The following ETV4 variants were observed in gnomAD, a reference collection of about 807,000 sequenced individuals.
The protein encoded by ETV4 is ETS translocation variant 4.
Under a neutral mutation model 65.9 loss-of-function variants are expected in ETV4, and 42 were observed. The ratio of observed to expected loss-of-function variants is 0.64; its 90% CI spans 0.50 to 0.82. The LOEUF (loss-of-function observed/expected upper bound fraction) is 0.82, where lower values mean the gene tolerates loss of function less well. Among genes scored for constraint, ETV4 ranks in the 40% least tolerant of loss-of-function variants. The pLI, the probability that ETV4 is intolerant of heterozygous loss-of-function variation, is 0.00. For synonymous variants in ETV4, 238 were observed against 260.0 expected, an observed-to-expected ratio of 0.92 and a Z score of 0.81; for missense variants, 583 against 630.3, an observed-to-expected ratio of 0.92 and a Z score of 0.80.
chr17:43,531,316 C>G (rs966608790), intron 8 of ETV4, among the ~76,000 whole-genome samples: 1 of 152,164 alleles, frequency 6.6e-6, no homozygotes, highest in African/African-American at 2.4e-5. Flanking sequence ...TGGGACTGGC[C>G]CTCCTTCGGC....
chr17:43,545,929 A>C, intron 1 of ETV4: 6 of 437,162 alleles, frequency 1.4e-5, no homozygotes, highest in East Asian at 4.1e-5. Flanking sequence ...TCGGTTACAT[A>C]AGAACGTGTG....
rs750731483 is a variant in ETV4, at chr17:43,529,652, C to T, written c.980G>A (p.Gly327Asp). The T allele has an allele frequency of 6.2e-7, 1 of 1,612,964 alleles. No homozygotes were observed. The highest frequency in any genetic ancestry group is 2.2e-5 in the East Asian group (1 of 44,826). Residue 327 changes from glycine to aspartate, a missense_variant, in exon 11 of 13, where the codon GGT (glycine) becomes GAT (aspartate). Gly to Asp is a moderately conservative substitution (Grantham distance 94). Coordinates refer to ENST00000319349, the MANE Select transcript of ETV4 (RefSeq NM_001079675.5). The stretch of plus-strand genomic sequence containing the variant: ...GTAGGGCGGCCCCTCTCGAAATGCA[C>T]CGACCCCTTCCTGCTTGATGTCTCC... ...FEGDIKQEGV[G>D]AFREGPPYQR...
chr17:43,539,390 C>A (rs1031516912), intron 4 of ETV4, among the ~76,000 whole-genome samples: 1 of 152,172 alleles, frequency 6.6e-6, no homozygotes, highest in Non-Finnish European at 1.5e-5. Flanking sequence ...ACCCCTAAAC[C>A]AAAGTGGTTC....
intron 6 of ETV4, 68 bp from the exon 7 acceptor site, chr17:43,533,416 C>A: frequency 6.8e-7 from 1 of 1,465,462 alleles, no homozygotes. Flanking sequence ...ACCCTTCATT[C>A]CTAGGAAAGC....
chr17:43,541,502 A>G (rs1971520241), intron 4 of ETV4, among the ~76,000 whole-genome samples: 3 of 150,632 alleles, frequency 2.0e-5, no homozygotes, highest in South Asian at 2.1e-4. Flanking sequence ...GAGAGAGAGA[A>G]AGAATTTTAG....
At chr17:43,534,489 G>A (rs892340738) in intron 5 of ETV4, among the ~76,000 whole-genome samples, 4 of 151,522 alleles carry the variant, frequency 2.6e-5, no homozygotes, top group Non-Finnish European at 1.5e-5. Flanking sequence ...GCGAGACTCC[G>A]TCTCAAAAAG....
chr17:43,529,795 C>G (rs1254428290), intron 10 of ETV4, 89 bp downstream of exon 10: 119 of 1,599,246 alleles, frequency 7.4e-5, no homozygotes, highest in Middle Eastern at 1.7e-4. Context: ...TGGGTCCCAC[C>G]CTCTTGCAAC....
chr17:43,533,421 G>A, intron 6 of ETV4, 73 bp from the exon 7 acceptor site: 1 of 1,430,706 alleles, frequency 7.0e-7, no homozygotes, highest in Non-Finnish European at 9.6e-7. Flanking sequence ...TCATTCCTAG[G>A]AAAGCGAGGT....
chr17:43,528,814 T>A, intron 12 of ETV4, 71 bp from the exon 13 acceptor site: 1 of 1,247,694 alleles, frequency 8.0e-7, no homozygotes, highest in Non-Finnish European at 1.1e-6. Flanking sequence ...GGTGGGGGAG[T>A]GGGGAATGTG....
At chr17:43,541,058 G>A (rs1971496233) in intron 4 of ETV4, among the ~76,000 whole-genome samples, 1 of 152,046 alleles carries the variant, frequency 6.6e-6, no homozygotes, top group African/African-American at 2.4e-5. Context: ...TTTAACCAGG[G>A]ACCCCTCCAG....
chr17:43,545,596 C>A lies in ETV4; in HGVS notation c.22G>T (p.Gly8Ter). The change falls in exon 2 of 13, where the codon GGA (glycine) becomes TGA (stop). Residue 8 changes from glycine to a stop codon, truncating the protein, a stop_gained. Coordinates refer to ENST00000319349, the MANE Select transcript of ETV4 (RefSeq NM_001079675.5). LOFTEE classifies it high-confidence loss of function. MERRMKAGYLDQQVPYTF... is the reference protein window; with the variant it reads MERRMKA ...TAGGGCACTTGCTGGTCCAAGTATC[C>A]GGCTTTCATCCTCCGCTCCATCCGG... 2 of 1,550,906 alleles carry A rather than the reference C, an allele frequency of 1.3e-6. No homozygotes were observed. The highest frequency in any genetic ancestry group is 8.7e-7 in the Non-Finnish European group (1 of 1,146,932).
intron 6 of ETV4, 115 bp from the exon 7 acceptor site, chr17:43,533,463 G>A (rs2154587117): frequency 1.9e-6 from 2 of 1,040,070 alleles, no homozygotes; most frequent in South Asian, 3.3e-5. Flanking sequence ...AAGGATAGAG[G>A]GGGCTGAGAA....
In ETV4 at chr17:43,528,774, G is replaced by C. The variant is rs772504199; in HGVS notation, c.1231-31C>G. 1.9e-6 allele frequency: 3 copies of C among 1,593,864 alleles called. No homozygotes were observed. The Admixed American group carries it at 5.0e-5, about 27-fold the overall frequency. On this transcript the variant is annotated intron_variant, in intron 12 of 12. Transcript: ENST00000319349. The stretch of plus-strand genomic sequence containing the variant: ...GGGAGAGAGAAGGTCTGGTCAGCCT[G>C]GCTAGCCGCCCAGCCTTTGTATGGG...
chr17:43,537,547 T>A (rs1567712971), intron 4 of ETV4, among the ~76,000 whole-genome samples: 1 of 148,048 alleles, frequency 6.8e-6, no homozygotes, highest in Non-Finnish European at 1.5e-5. Context: ...AATTAAAAAA[T>A]TAGTCAGGCG....
chr17:43,545,635 C>A lies in ETV4; in HGVS notation c.-18G>T, dbSNP rs1320222237. On this transcript the variant is annotated 5_prime_UTR_variant, in exon 2 of 13. Transcript: ENST00000319349. Reference sequence around the variant, plus strand: ...CGCTCCATCCGGCCGCTCCCTCCGGCCGCACGGCCGGGGCCCCAAGCGGGG... The same window carrying A: ...CGCTCCATCCGGCCGCTCCCTCCGGACGCACGGCCGGGGCCCCAAGCGGGG... The A allele has an allele frequency of 1.3e-6, 2 of 1,549,928 alleles. No homozygotes were observed. Among genetic ancestry groups the A allele is most frequent in the Non-Finnish European group, 1.7e-6 (2 of 1,146,782 alleles).
chr17:43,541,951 G>A (rs761870478), intron 4 of ETV4, among the ~76,000 whole-genome samples: 5 of 152,224 alleles, frequency 3.3e-5, no homozygotes, highest in East Asian at 3.9e-4. Flanking sequence ...ACATGCACTC[G>A]GACGCATATT....
chr17:43,529,369 G>T, intron 11 of ETV4, 133 bp from the exon 12 acceptor site: 1 of 1,398,344 alleles, frequency 7.2e-7, no homozygotes, highest in Non-Finnish European at 1.0e-6. Flanking sequence ...TCAGCCCACA[G>T]ACTTAGGCTT....
At position 43,545,324 on chromosome 17, in the gene ETV4, G is replaced by T. The variant is rs922360313; in HGVS notation, c.104C>A (p.Pro35Gln). Residue 35 changes from proline (P) to glutamine (Q), a missense_variant, in exon 3 of 13, where the codon CCG (proline) becomes CAG (glutamine). Physicochemically the swap from Pro to Gln is moderately conservative, Grantham distance 76 (BLOSUM62 -1). Coordinates refer to ENST00000319349, the MANE Select transcript of ETV4 (RefSeq NM_001079675.5). ...NGSLREALIG[P>Q]LGKLMDPGSL... ...GCCCGGGTCCATGAGCTTCCCCAGC[G>T]GGCCGATCAGCGCTTCGCGCAAGCT... The T allele has an allele frequency of 3.7e-6, 6 of 1,609,216 alleles. No homozygotes were observed. The highest frequency in any genetic ancestry group is 1.7e-4 in the Middle Eastern group (1 of 6,040).
At position 43,545,005 on chromosome 17, in the gene ETV4, T is replaced by G. The variant is rs202092741; in HGVS notation, c.172A>C (p.Ser58Arg). ...GCGAGCCACGTCTCCTGGAAGTGAC[T>G]TAGATCCTGGAAGAGATCTGAGGGG... is the stretch of plus-strand genomic sequence containing the variant. ...LDSEDLFQDL[S>R]HFQETWLAEA... The change falls in exon 4 of 13, where the codon AGT (serine) becomes CGT (arginine). Residue 58 changes from serine to arginine, a missense_variant. Ser to Arg is a moderately radical substitution (Grantham distance 110). Transcript: ENST00000319349. The G allele has an allele frequency of 8.7e-6, 14 of 1,613,922 alleles. No homozygotes were observed. In the East Asian group the frequency reaches 3.1e-4, roughly 36 times the overall value.
Sources: gnomAD v4.1 joint callset for allele counts (sites outside exome capture counted in the v4.1 genomes callset) on GRCh38, gnomAD v4.1.1 for gene constraint, MANE v1.5 for transcripts, NCBI Gene and HGNC (gene_info 2026-07-23, HGNC 2026-07-21) for gene names.